The following DAB1 variants were observed in gnomAD, a reference collection of about 807,000 sequenced individuals.
The protein encoded by DAB1 is disabled homolog 1.
Under a neutral mutation model 64.6 loss-of-function variants are expected in DAB1, and 15 were observed. That is an observed-to-expected ratio of 0.23 (90% CI 0.16 to 0.36). The LOEUF (loss-of-function observed/expected upper bound fraction) is 0.36, where lower values mean the gene tolerates loss of function less well. DAB1 is among the 10% of genes least tolerant of loss of function. The pLI, the probability that DAB1 is intolerant of heterozygous loss-of-function variation, is 1.00. For missense variants in DAB1, 596 were observed against 706.7 expected, an observed-to-expected ratio of 0.84 and a Z score of 1.78; for synonymous variants, 235 against 251.9, an observed-to-expected ratio of 0.93 and a Z score of 0.64.
At chr1:57,241,051 G>A (rs765128997) in intron 2 of DAB1, among the ~76,000 whole-genome samples, 9 of 152,194 alleles carry the variant, frequency 5.9e-5, no homozygotes, top group Non-Finnish European at 1.0e-4. Context: ...GAGTGGATAT[G>A]CTAAGAATGA....
intron 4 of DAB1, among the ~76,000 whole-genome samples, chr1:57,114,052 T>C (rs1356916770): frequency 6.6e-6 from 1 of 152,206 alleles, no homozygotes; most frequent in African/African-American, 2.4e-5. Context: ...TGACCTGGTC[T>C]CCCTGCCTTG....
chr1:58,256,727 T>G (rs1232340439), intron 4 of DAB1, among the ~76,000 whole-genome samples: 1 of 150,432 alleles, frequency 6.6e-6, no homozygotes, highest in Non-Finnish European at 1.5e-5. Context: ...TTCATCTCCA[T>G]AGCCCCAAAA....
chr1:58,253,490 C>T (rs745978115), intron 4 of DAB1, among the ~76,000 whole-genome samples: 28 of 152,306 alleles, frequency 1.8e-4, no homozygotes, highest in African/African-American at 6.0e-4. Flanking sequence ...GAGGTGTGCA[C>T]GGTCAGTTAT....
chr1:58,022,478 C>G (rs1384243134), intron 5 of DAB1, among the ~76,000 whole-genome samples: 3 of 152,154 alleles, frequency 2.0e-5, no homozygotes, highest in Admixed American at 6.5e-5. Context: ...CCTCCAGGAA[C>G]TTCAGGCAAG....
Position 57,563,305 on chromosome 1 carries a change from T to A in DAB1, n.625+86287A>T, listed in dbSNP as rs542666680. ...ATACACTTGTAATAAGAAAATATCT[T>A]CAGCAGTTCCAAGATGGCCAAATAG... is the stretch of plus-strand genomic sequence containing the variant. On this transcript the variant is annotated intron_variant and non_coding_transcript_variant, in intron 7 of 20. Coordinates refer to the DAB1 transcript ENST00000485760. Among the ~76,000 whole-genome samples, 8 of 152,308 alleles carry A rather than the reference T, an allele frequency of 5.3e-5. No homozygotes were observed. The East Asian group carries it at 1.4e-3, about 26-fold the overall frequency.
intron 4 of DAB1, among the ~76,000 whole-genome samples, chr1:58,229,707 G>A (rs1019804282): frequency 1.3e-5 from 2 of 152,182 alleles, no homozygotes; most frequent in East Asian, 1.9e-4. Flanking sequence ...CACTGGCAAA[G>A]CACTGGCTAA....
chr1:57,188,044 C>T (rs1663763799), intron 2 of DAB1, among the ~76,000 whole-genome samples: 1 of 152,176 alleles, frequency 6.6e-6, no homozygotes, highest in Admixed American at 6.5e-5. Flanking sequence ...AGGAAAGATG[C>T]AACAAATGCT....
At chr1:57,184,777 A>G (rs1663353602) in intron 2 of DAB1, among the ~76,000 whole-genome samples, 1 of 151,528 alleles carries the variant, frequency 6.6e-6, no homozygotes. Context: ...ATACACACTC[A>G]CTCCTGTGCC....
chr1:57,445,126 T>C (rs1231235416), intron 7 of DAB1, among the ~76,000 whole-genome samples: 1 of 152,186 alleles, frequency 6.6e-6, no homozygotes, highest in Non-Finnish European at 1.5e-5. Flanking sequence ...GGGTATAAAA[T>C]ATTTTTAGAG....
chr1:58,536,617 A>C (rs1339241158), intron 1 of DAB1: 4 of 872,710 alleles, frequency 4.6e-6, no homozygotes, highest in South Asian at 1.3e-5. Flanking sequence ...GTAAAATAAA[A>C]CACCACAAAG....
chr1:57,945,386 A>C (rs2100215709), intron 5 of DAB1, among the ~76,000 whole-genome samples: 1 of 152,020 alleles, frequency 6.6e-6, no homozygotes, highest in Admixed American at 6.6e-5. Flanking sequence ...CAGCCTCTCA[A>C]GTAGCTGAGA....
At chr1:58,459,026 T>C (rs1035108577) in intron 3 of DAB1, among the ~76,000 whole-genome samples, 2 of 152,192 alleles carry the variant, frequency 1.3e-5, no homozygotes, top group African/African-American at 4.8e-5. Flanking sequence ...CCTTAATGCA[T>C]GGTAGCTGTT....
chr1:58,201,956 T>C (rs1349594613), intron 4 of DAB1, among the ~76,000 whole-genome samples: 1 of 152,160 alleles, frequency 6.6e-6, no homozygotes, highest in Non-Finnish European at 1.5e-5. Flanking sequence ...CCAACCTACC[T>C]AATTCTGCTT....
chr1:57,048,148 C>T (rs1353972091), intron 9 of DAB1, among the ~76,000 whole-genome samples: 1 of 152,136 alleles, frequency 6.6e-6, no homozygotes, highest in African/African-American at 2.4e-5. Context: ...AAATAACCCA[C>T]CCAAGGTCCC....
chr1:57,199,240 C>A (rs1569862323), intron 2 of DAB1, among the ~76,000 whole-genome samples: 1 of 152,166 alleles, frequency 6.6e-6, no homozygotes, highest in East Asian at 1.9e-4. Context: ...TTAATAACTT[C>A]TCTTATTAAA....
chr1:57,001,972 C>T (rs752150458), intron 14 of DAB1, among the ~76,000 whole-genome samples: 4 of 152,090 alleles, frequency 2.6e-5, no homozygotes, highest in Non-Finnish European at 4.4e-5. Context: ...GTCAGTATCC[C>T]GAATTCTGAA....
At chr1:57,904,350 G>A (rs535273332) in intron 5 of DAB1, among the ~76,000 whole-genome samples, 3 of 152,200 alleles carry the variant, frequency 2.0e-5, no homozygotes, top group East Asian at 1.9e-4. Flanking sequence ...AATCTTGCTC[G>A]AGGGTCTTTC....
chr1:57,826,882 G>A (rs1652373063), intron 1 of DAB1, among the ~76,000 whole-genome samples: 1 of 152,024 alleles, frequency 6.6e-6, no homozygotes, highest in Non-Finnish European at 1.5e-5. Flanking sequence ...ACAGGGGGAA[G>A]GGAAAAAAAT....
chr1:58,126,708 G>A (rs1653124072), intron 5 of DAB1, among the ~76,000 whole-genome samples: 1 of 151,080 alleles, frequency 6.6e-6, no homozygotes, highest in Non-Finnish European at 1.5e-5. Flanking sequence ...AATATGCGGT[G>A]TTTGGTTTTT....
Sources: allele counts gnomAD v4.1 joint callset (sites outside exome capture counted in the v4.1 genomes callset), GRCh38; gene constraint gnomAD v4.1.1; transcripts MANE v1.5; gene names NCBI Gene and HGNC (gene_info 2026-07-23, HGNC 2026-07-21).